The following CFAP47 variants were observed in gnomAD, a reference collection of about 807,000 sequenced individuals.
CFAP47 encodes cilia- and flagella-associated protein 47.
A neutral mutation model predicts 148.1 loss-of-function variants in CFAP47; 29 were observed. The observed-to-expected ratio is 0.20, with a 90% CI of 0.15 to 0.27. CFAP47 has a LOEUF of 0.27. Among genes scored for constraint, CFAP47 ranks in the 10% least tolerant of loss-of-function variants. CFAP47 has a pLI of 1.00. For missense variants in CFAP47, 1,872 were observed against 1,697.5 expected, an observed-to-expected ratio of 1.10 and a Z score of -1.81; for synonymous variants, 664 against 577.3, an observed-to-expected ratio of 1.15 and a Z score of -2.15.
chrX:36,138,309 A>G, intron 34 of CFAP47, 39 bp from the exon 35 acceptor site: 1 of 1,070,234 alleles, frequency 9.3e-7, no homozygotes, highest in Non-Finnish European at 1.2e-6. Context: ...AGAATTTTTT[A>G]TTCCATTACC....
chrX:36,050,905 CTAAA>C lies in CFAP47; in HGVS notation c.4217+3843_4217+3846del, dbSNP rs1362917703. Among the ~76,000 whole-genome samples, 36 of 112,410 alleles carry C rather than the reference CTAAA, an allele frequency of 3.2e-4. No individual in the cohort carries two copies. In the South Asian group the frequency reaches 5.1e-3, roughly 16 times the overall value. On this transcript the variant is annotated intron_variant, in intron 26 of 63. Coordinates refer to ENST00000378653, the MANE Select transcript of CFAP47 (RefSeq NM_001304548.2). ...TGTGTCCCAGCTGCTCCAGCTATGG[CTAAA>C]AGGGGTCAAGGTATAGCTTAGGCCA...
intron 39 of CFAP47, among the ~76,000 whole-genome samples, chrX:36,176,596 C>T (rs1939684676): frequency 8.9e-6 from 1 of 112,092 alleles, no homozygotes; most frequent in African/African-American, 3.2e-5. Context: ...TCTAGGTCAG[C>T]AGGTTTCAAA....
chrX:36,169,266 C>A (rs929325831), intron 39 of CFAP47, among the ~76,000 whole-genome samples: 2 of 110,967 alleles, frequency 1.8e-5, no homozygotes, highest in African/African-American at 6.5e-5. Flanking sequence ...TAAGTTTATC[C>A]TACAAAGTGT....
chrX:36,178,825 T>A (rs1939717214), intron 39 of CFAP47, among the ~76,000 whole-genome samples: 1 of 112,016 alleles, frequency 8.9e-6, no homozygotes, highest in African/African-American at 3.2e-5. Flanking sequence ...TCTCTATAAC[T>A]ATTTCTTGAA....
chrX:36,263,017 T>C (rs1556000448), intron 49 of CFAP47, among the ~76,000 whole-genome samples: 1 of 112,302 alleles, frequency 8.9e-6, no homozygotes, highest in Non-Finnish European at 1.9e-5. Context: ...TATGTCTTCT[T>C]TTGAGATATA....
At chrX:35,923,650 T>G (rs890452364) in intron 1 of CFAP47, among the ~76,000 whole-genome samples, 2 of 108,949 alleles carry the variant, frequency 1.8e-5, no homozygotes. Flanking sequence ...TGAAACCCCG[T>G]CTCTATTAAA....
At chrX:36,066,789 A>G (rs1937646534) in intron 27 of CFAP47, among the ~76,000 whole-genome samples, 1 of 111,831 alleles carries the variant, frequency 8.9e-6, no homozygotes, top group Admixed American at 9.5e-5. Context: ...AAAGAGCAAA[A>G]AGGGTAGCTT....
Position 35,985,078 on chromosome X carries a change from T to C in CFAP47, c.2714-4241T>C, listed in dbSNP as rs184993756. ...CATTATTAGTGTGTTTATCTAAGTC[T>C]CTTTGTAGGTCTCAAAGAACCTGTT... On this transcript the variant is annotated intron_variant, in intron 15 of 63. Coordinates refer to ENST00000378653, the MANE Select transcript of CFAP47 (RefSeq NM_001304548.2). Among the ~76,000 whole-genome samples, 3 of 111,738 alleles carry C rather than the reference T, an allele frequency of 2.7e-5. No homozygotes were observed. The East Asian group carries it at 8.4e-4, about 31-fold the overall frequency.
At chrX:36,068,403 T>C (rs1225648911) in intron 27 of CFAP47, among the ~76,000 whole-genome samples, 1 of 112,248 alleles carries the variant, frequency 8.9e-6, no homozygotes, top group South Asian at 3.7e-4. Context: ...CTTGTGTCCA[T>C]AGTGCCTCAC....
intron 56 of CFAP47, among the ~76,000 whole-genome samples, chrX:36,312,948 G>A (rs1396940074): frequency 9.1e-6 from 1 of 110,359 alleles, no homozygotes; most frequent in Non-Finnish European, 1.9e-5. Context: ...TTCTTTCCCC[G>A]TTGTTGCTGA....
rs1300458952 is a variant in CFAP47 at position 35,939,585 on chromosome X, A to G, written c.402-1698A>G. 3.4e-3 allele frequency among the ~76,000 whole-genome samples: 293 copies of G among 87,129 alleles called. 1 individual carries two copies. The highest frequency in any genetic ancestry group is 0.011 in the African/African-American group (260 of 23,567). 75.7% of individuals were successfully genotyped at this position (87,129 alleles called of 115,157 possible). ...TTGCGATAGTTTACTGAGAATGATG[A>G]TTTCCAATTTCATCCATGTCCCTAC... On this transcript the variant is annotated intron_variant, in intron 2 of 63. Coordinates refer to ENST00000378653, the MANE Select transcript of CFAP47 (RefSeq NM_001304548.2).
At chrX:36,189,944 T>A (rs782585596) in intron 41 of CFAP47, 107 bp from the exon 42 acceptor site, 291 of 287,454 alleles carry the variant, frequency 1.0e-3, no homozygotes, top group Non-Finnish European at 1.6e-3. Flanking sequence ...CATCTTCTAA[T>A]CTTACATGCT....
intron 35 of CFAP47, among the ~76,000 whole-genome samples, chrX:36,140,205 A>T (rs887939456): frequency 1.8e-5 from 2 of 111,494 alleles, no homozygotes; most frequent in Admixed American, 1.9e-4. Flanking sequence ...GAATGTCACA[A>T]TAGACATAGA....
At chrX:35,938,161 T>C (rs1194900673) in intron 2 of CFAP47, among the ~76,000 whole-genome samples, 1 of 111,656 alleles carries the variant, frequency 9.0e-6, no homozygotes, top group Non-Finnish European at 1.9e-5. Context: ...ATCAATAATA[T>C]GTTAGCAGGT....
At chrX:36,095,561 T>C (rs1026121529) in intron 30 of CFAP47, among the ~76,000 whole-genome samples, 1 of 111,400 alleles carries the variant, frequency 9.0e-6, no homozygotes, top group Non-Finnish European at 1.9e-5. Flanking sequence ...GTCTTGTTAT[T>C]TGTTATTGGT....
At chrX:35,981,255 A>C (rs919447176) in intron 15 of CFAP47, among the ~76,000 whole-genome samples, 1 of 108,997 alleles carries the variant, frequency 9.2e-6, no homozygotes, top group Admixed American at 1.0e-4. Flanking sequence ...CATGAGCCAA[A>C]CATAAAACAA....
chrX:36,338,911 A>G (rs1449020975), intron 57 of CFAP47, among the ~76,000 whole-genome samples: 1 of 111,039 alleles, frequency 9.0e-6, no homozygotes, highest in Non-Finnish European at 1.9e-5. Context: ...TATTGATTTC[A>G]CTCTCTAACC....
At chrX:35,976,128 GGAGA>G (rs1004253335) in intron 15 of CFAP47, among the ~76,000 whole-genome samples, 1 of 110,188 alleles carries the variant, frequency 9.1e-6, no homozygotes, top group Non-Finnish European at 1.9e-5. Context: ...AGACCAACAG[GGAGA>G]GAGAGAGACA....
At position 36,144,920 on chromosome X, in the gene CFAP47, G is replaced by T. The variant is rs1939208512; in HGVS notation, c.5536-299G>T. ...GCACTGTAGCTTCCCTGGTTTGGGG[G>T]ATTTGGGACTTGGCCTGAGCCATGC... On this transcript the variant is annotated intron_variant, in intron 35 of 63. Coordinates refer to ENST00000378653, the MANE Select transcript of CFAP47 (RefSeq NM_001304548.2). 4 of 871,496 alleles carry T rather than the reference G, an allele frequency of 4.6e-6. No individual in the cohort carries two copies. In the South Asian group the frequency reaches 1.0e-4, roughly 22 times the overall value. 71.8% of individuals were successfully genotyped at this position (871,496 alleles called of 1,213,427 possible).
Sources: allele counts gnomAD v4.1 joint callset (sites outside exome capture counted in the v4.1 genomes callset), GRCh38; gene constraint gnomAD v4.1.1; transcripts MANE v1.5; gene names NCBI Gene and HGNC (gene_info 2026-07-23, HGNC 2026-07-21).